The following PMFBP1 variants were observed in gnomAD, a reference collection of about 807,000 sequenced individuals.
The protein encoded by PMFBP1 is polyamine-modulated factor 1-binding protein 1.
Under a neutral mutation model 137.8 loss-of-function variants are expected in PMFBP1, and 131 were observed. That is an observed-to-expected ratio of 0.95 (90% confidence interval 0.82 to 1.10). The LOEUF is 1.10. Ranked by LOEUF, PMFBP1 falls within the 50% of genes least tolerant of loss-of-function variation. The pLI, the probability that PMFBP1 is intolerant of heterozygous loss-of-function variation, is 0.00. For synonymous variants in PMFBP1, 490 were observed against 450.4 expected, an observed-to-expected ratio of 1.09 and a Z score of -1.11; for missense variants, 1,199 against 1,175.4, an observed-to-expected ratio of 1.02 and a Z score of -0.29.
chr16:72,153,039 C>A (rs2042925871), intron 4 of PMFBP1, among the ~76,000 whole-genome samples: 1 of 152,074 alleles, frequency 6.6e-6, no homozygotes, highest in Non-Finnish European at 1.5e-5. Flanking sequence ...ACACAGAAAT[C>A]AACTAGCTTA....
the PMFBP1 span, among the ~76,000 whole-genome samples, chr16:72,219,744 C>T: frequency 7.2e-5 from 11 of 152,240 alleles, no homozygotes; most frequent in South Asian, 4.1e-4. Context: ...AACATAAAGG[C>T]AATGAGGGCA....
At chr16:72,163,677 G>A (rs1466221912) in intron 3 of PMFBP1, among the ~76,000 whole-genome samples, 1 of 152,142 alleles carries the variant, frequency 6.6e-6, no homozygotes, top group African/African-American at 2.4e-5. Flanking sequence ...ATTGATTGAT[G>A]GGCATTTGAC....
chr16:72,180,069 T>G (rs2043271031), upstream of PMFBP1, among the ~76,000 whole-genome samples: 1 of 152,094 alleles, frequency 6.6e-6, no homozygotes. Flanking sequence ...TCTACAGGGG[T>G]CCTTTCCCGC....
At chr16:72,217,945 C>A in the PMFBP1 span, among the ~76,000 whole-genome samples, 3 of 152,166 alleles carry the variant, frequency 2.0e-5, no homozygotes, top group African/African-American at 7.2e-5. Context: ...CCACCATGGT[C>A]GATTTCAAAC....
chr16:72,133,104 T>G, intron 9 of PMFBP1, 113 bp from the exon 10 acceptor site: 6 of 1,272,040 alleles, frequency 4.7e-6, no homozygotes, highest in Non-Finnish European at 5.5e-6. Flanking sequence ...GCCTGGACAT[T>G]GCACGAACCT....
the PMFBP1 span, among the ~76,000 whole-genome samples, chr16:72,199,876 C>T: frequency 4.6e-5 from 7 of 152,158 alleles, no homozygotes; most frequent in South Asian, 2.1e-4. Context: ...GGAATGGCAG[C>T]GTGGAATTAG....
upstream of PMFBP1, among the ~76,000 whole-genome samples, chr16:72,180,737 G>A (rs1275464144): frequency 6.6e-6 from 1 of 152,032 alleles, no homozygotes; most frequent in African/African-American, 2.4e-5. Flanking sequence ...AGAGGCCTTT[G>A]GCTAAACAGA....
chr16:72,202,466 C>A, the PMFBP1 span, among the ~76,000 whole-genome samples: 2 of 152,244 alleles, frequency 1.3e-5, no homozygotes, highest in African/African-American at 4.8e-5. Flanking sequence ...GCGTGAGCCA[C>A]TGAGCCTGGC....
chr16:72,125,237 C>A lies in PMFBP1; in HGVS notation c.2421+1G>T. The A allele has an allele frequency of 6.2e-7, 1 of 1,612,634 alleles. No individual in the cohort carries two copies. The highest frequency in any genetic ancestry group is 8.5e-7 in the Non-Finnish European group (1 of 1,179,548). Reference sequence around the variant, plus strand: ...AGCCCAAGCCCCTGGCAGCTCCTCACCTCCAGCTCACTCTCCTGGTGGAAG... The same window carrying A: ...AGCCCAAGCCCCTGGCAGCTCCTCAACTCCAGCTCACTCTCCTGGTGGAAG... On this transcript the variant is annotated splice_donor_variant, in intron 16 of 20. Coordinates refer to ENST00000237353, the MANE Select transcript of PMFBP1 (RefSeq NM_031293.3). LOFTEE classifies it high-confidence loss of function.
upstream of PMFBP1, among the ~76,000 whole-genome samples, chr16:72,173,341 A>G (rs2043238279): frequency 2.0e-5 from 3 of 152,248 alleles, no homozygotes; most frequent in South Asian, 6.2e-4. Flanking sequence ...AGGCAAGCCC[A>G]CTGGATAGTC....
At chr16:72,241,588 A>G in the PMFBP1 span, among the ~76,000 whole-genome samples, 1 of 152,112 alleles carries the variant, frequency 6.6e-6, no homozygotes, top group Non-Finnish European at 1.5e-5. Flanking sequence ...CTCCCTCTCT[A>G]CTTCATGGGG....
At chr16:72,121,042 C>A (rs2042370341) in intron 19 of PMFBP1, among the ~76,000 whole-genome samples, 2 of 152,146 alleles carry the variant, frequency 1.3e-5, no homozygotes, top group South Asian at 4.1e-4. Flanking sequence ...AGAGTGAGTT[C>A]TTTGTGAAAG....
At chr16:72,166,218 G>A (rs2043142477) in intron 2 of PMFBP1, among the ~76,000 whole-genome samples, 1 of 152,124 alleles carries the variant, frequency 6.6e-6, no homozygotes, top group South Asian at 2.1e-4. Context: ...CTGGTGGGAG[G>A]TGATTGGGTC....
rs369954043 is a variant in PMFBP1, at chr16:72,124,928, C to T, written c.2428G>A (p.Ala810Thr). 26 of 1,613,592 alleles carry T rather than the reference C, an allele frequency of 1.6e-5. No homozygotes were observed. Among genetic ancestry groups the T allele is most frequent in the East Asian group, 2.2e-5 (1 of 44,864 alleles). Residue 810 changes from alanine (A) to threonine (T), a missense_variant, in exon 17 of 21, where the codon GCC becomes ACC. By Grantham distance (58) the Ala-to-Thr change is moderately conservative (BLOSUM62 0). Coordinates refer to ENST00000237353, the MANE Select transcript of PMFBP1 (RefSeq NM_031293.3). The stretch of plus-strand genomic sequence containing the variant: ...ATCTCCTCTAGCTTCTTGTCAAAGG[C>T]GTGCACCTACTCAGGAGAGCAAAGT... ...FHQESELEVHAFDKKLEEMSC... is the reference protein window; with the variant it reads ...FHQESELEVHTFDKKLEEMSC...
Position 72,139,313 on chromosome 16 carries a change from T to G in PMFBP1, c.894A>C (p.Ser298=). ...CCTTTTTGATGTCTTCACACTCTTC[T>G]GAGGAGCTAGGAGGGTATCTGTGGG... is the stretch of plus-strand genomic sequence containing the variant. ...TATHRYPPSS[S]EECEDIKKIL... Residue 298 remains serine (S), a synonymous_variant, in exon 7 of 21, where the codon TCA becomes TCC. Coordinates refer to ENST00000237353, the MANE Select transcript of PMFBP1 (RefSeq NM_031293.3). 6.2e-7 allele frequency: 1 copy of G among 1,613,968 alleles called. No individual in the cohort carries two copies. The highest frequency in any genetic ancestry group is 8.5e-7 in the Non-Finnish European group (1 of 1,179,826).
chr16:72,165,222 A>G (rs1451453095), intron 2 of PMFBP1, among the ~76,000 whole-genome samples: 1 of 152,212 alleles, frequency 6.6e-6, no homozygotes, highest in African/African-American at 2.4e-5. Context: ...CTAGGCACCT[A>G]CTGGACTGTC....
intron 7 of PMFBP1, among the ~76,000 whole-genome samples, chr16:72,137,465 A>C (rs1009887673): frequency 6.6e-6 from 1 of 152,174 alleles, no homozygotes; most frequent in Non-Finnish European, 1.5e-5. Context: ...GGGGAGGCGC[A>C]TGTTGCAATT....
At chr16:72,223,312 G>A in the PMFBP1 span, among the ~76,000 whole-genome samples, 1 of 152,232 alleles carries the variant, frequency 6.6e-6, no homozygotes, top group Admixed American at 6.5e-5. Context: ...CAGTGACAGT[G>A]AGTGGATTGC....
intron 5 of PMFBP1, among the ~76,000 whole-genome samples, chr16:72,143,378 T>C (rs1340097120): frequency 6.6e-6 from 1 of 152,166 alleles, no homozygotes; most frequent in Non-Finnish European, 1.5e-5. Context: ...TCCAAGACAG[T>C]CAAGTGAAAA....
Sources: allele counts gnomAD v4.1 joint callset (sites outside exome capture counted in the v4.1 genomes callset), GRCh38; gene constraint gnomAD v4.1.1; transcripts MANE v1.5; gene names NCBI Gene and HGNC (gene_info 2026-07-23, HGNC 2026-07-21).